The following NFATC4 variants were observed in gnomAD, a reference collection of about 807,000 sequenced individuals.
The protein encoded by NFATC4 is nuclear factor of activated T cells 4.
Under a neutral mutation model 73.4 loss-of-function variants are expected in NFATC4, and 25 were observed. The observed-to-expected ratio is 0.34, with a 90% CI of 0.25 to 0.48. NFATC4 has a LOEUF of 0.48. Ranked by LOEUF, NFATC4 falls within the 20% of genes least tolerant of loss-of-function variation. NFATC4 has a pLI of 0.99. For missense variants in NFATC4, 1,130 were observed against 1,203.7 expected, an observed-to-expected ratio of 0.94 and a Z score of 0.91; for synonymous variants, 523 against 510.3, an observed-to-expected ratio of 1.02 and a Z score of -0.34.
intron 2 of NFATC4, among the ~76,000 whole-genome samples, chr14:24,371,498 C>T (rs1160635538): frequency 2.0e-5 from 3 of 152,132 alleles, no homozygotes; most frequent in Non-Finnish European, 2.9e-5. Flanking sequence ...ACTTGGGGGG[C>T]AATTACCAGT....
intron 1 of NFATC4, among the ~76,000 whole-genome samples, chr14:24,368,780 C>T (rs1398587259): frequency 6.6e-6 from 1 of 151,998 alleles, no homozygotes; most frequent in African/African-American, 2.4e-5. Context: ...GGAGCTGGCC[C>T]CTGGCGGACC....
At chr14:24,367,473 C>A, upstream of NFATC4, 1 of 1,535,672 alleles carries the variant, frequency 6.5e-7, no homozygotes, top group Non-Finnish European at 8.7e-7. Flanking sequence ...CCTGGATCTA[C>A]GCCCATCAAG....
intron 1 of NFATC4, 106 bp downstream of exon 1, chr14:24,368,546 T>C: frequency 2.4e-5 from 19 of 799,806 alleles, no homozygotes; most frequent in Non-Finnish European, 2.8e-5. Flanking sequence ...GGTGAGGGAG[T>C]CAGAGGTCGA....
chr14:24,367,435 C>T, upstream of NFATC4: 1 of 1,535,708 alleles, frequency 6.5e-7, no homozygotes, highest in African/African-American at 1.4e-5. Flanking sequence ...CTCTGGGTGG[C>T]TGGGACAAGG....
chr14:24,367,225 T>G, upstream of NFATC4: 1 of 1,598,036 alleles, frequency 6.3e-7, no homozygotes, highest in Non-Finnish European at 8.5e-7. Context: ...GTGACAGGTG[T>G]CCAGCCTGTT....
chr14:24,373,358 A>T lies in NFATC4; in HGVS notation c.1547A>T (p.Asn516Ile). ...GAGATGACTCTGCTGCCTGAGAACA[A>T]CATGGCGGCCAAGTAAGTCCCATGC... is the stretch of plus-strand genomic sequence containing the variant. ...VLEMTLLPEN[N>I]MAANIDCAGI... is the part of the protein sequence containing the mutation. The change falls in exon 4 of 10, where the codon AAC becomes ATC. Residue 516 changes from asparagine (N) to isoleucine (I), a missense_variant. Transcript: ENST00000250373. The surrounding 1 kb of genome is among the most constrained non-coding windows in gnomAD (Gnocchi z 4.7). 6.2e-7 allele frequency: 1 copy of T among 1,613,924 alleles called. No homozygotes were observed. The highest frequency in any genetic ancestry group is 2.2e-5 in the East Asian group (1 of 44,876).
chr14:24,372,865 G>A (rs1271754411), intron 3 of NFATC4: 1 of 604,966 alleles, frequency 1.7e-6, no homozygotes, highest in Admixed American at 3.0e-5. Context: ...GCCAGATATG[G>A]GGGAGGGTTT....
In NFATC4 at chr14:24,374,423, C is replaced by A. The variant is rs1483072740; in HGVS notation, c.1830C>A (p.Asn610Lys). Reference sequence around the variant, plus strand: ...AGGAACTGGTACTGACTGGCTCCAACTTCCTGCCAGACTCCAAGGTGGTGT... The same window carrying A: ...AGGAACTGGTACTGACTGGCTCCAAATTCCTGCCAGACTCCAAGGTGGTGT... ...GGEELVLTGS[N>K]FLPDSKVVFI... The change falls in exon 6 of 10, where the codon AAC becomes AAA. Residue 610 changes from asparagine (N) to lysine (K), a missense_variant. Around this residue, in one of 3 missense-constraint regions of NFATC4, gnomAD observed 390 missense variants for 408.1 expected, o/e 0.96. Coordinates refer to ENST00000250373, the MANE Select transcript of NFATC4 (RefSeq NM_004554.5). The A allele has an allele frequency of 6.2e-7, 1 of 1,614,068 alleles. No individual in the cohort carries two copies. The highest frequency in any genetic ancestry group is 1.7e-4 in the Middle Eastern group (1 of 6,060).
In NFATC4 at chr14:24,368,244, A is replaced by C; in HGVS notation, c.-97A>C. 1 of 1,330,152 alleles carries C rather than the reference A, an allele frequency of 7.5e-7. No homozygotes were observed. The allele number at this position is 1,330,152 out of a possible 1,614,324, so 82.4% of individuals were successfully genotyped here. On this transcript the variant is annotated 5_prime_UTR_variant, in exon 1 of 10. Transcript: ENST00000250373. ...AGCGACGGAGGAGGGGGCTTCTCAG[A>C]GAAAGGGAGGGAGGGAGCCACCCGG...
intron 1 of NFATC4, 156 bp from the exon 2 acceptor site, chr14:24,369,343 G>A (rs1373217042): frequency 5.0e-6 from 8 of 1,598,076 alleles, no homozygotes; most frequent in Non-Finnish European, 6.8e-6. Context: ...CATCTTCCCA[G>A]GTCCAACTCT....
At position 24,377,366 on chromosome 14, in the gene NFATC4, A is replaced by T; in HGVS notation, c.2642-272A>T. On this transcript the variant is annotated intron_variant, in intron 9 of 9. Transcript: ENST00000250373. This position sits in a 1 kb window ranked among gnomAD's most constrained non-coding sequence, Gnocchi z 4.2. ...GCTACACCCATCTCTGGCCCTGCTG[A>T]TACCGATTCCCCTGACATTTCAGGC... is the stretch of plus-strand genomic sequence containing the variant. 7.4e-7 allele frequency: 1 copy of T among 1,349,976 alleles called. No homozygotes were observed. Among genetic ancestry groups the T allele is most frequent in the Non-Finnish European group, 9.5e-7 (1 of 1,051,296 alleles). The allele number at this position is 1,349,976 out of a possible 1,614,324, so 83.6% of individuals were successfully genotyped here.
intron 6 of NFATC4, 105 bp from the exon 7 acceptor site, chr14:24,375,555 T>G (rs2042589733): frequency 4.1e-6 from 5 of 1,206,424 alleles, no homozygotes; most frequent in Non-Finnish European, 6.0e-6. Flanking sequence ...TTCTAGGGCC[T>G]TCTGAATTTG....
intron 6 of NFATC4, 53 bp downstream of exon 6, chr14:24,374,519 G>C: frequency 1.3e-6 from 2 of 1,546,496 alleles, no homozygotes; most frequent in Non-Finnish European, 1.8e-6. Context: ...GGGAGTGGCA[G>C]GTGAAACATC....
rs774447885 is a variant in NFATC4 at position 24,376,077 on chromosome 14, A to G, written c.2032A>G (p.Thr678Ala). The G allele has an allele frequency of 1.2e-5, 19 of 1,613,856 alleles. No homozygotes were observed. Among genetic ancestry groups the G allele is most frequent in the Non-Finnish European group, 1.5e-5 (18 of 1,179,948 alleles). The part of the protein sequence containing the change: ...VSNGRRKRSP[T>A]QSFRFLPVIC... ...CAATGGGCGGAGGAAACGCAGTCCT[A>G]CCCAGAGTTTCAGGTTTCTGCCTGG... Residue 678 changes from threonine to alanine, a missense_variant, in exon 8 of 10, where the codon ACC becomes GCC. By Grantham distance (58) the Thr-to-Ala change is moderately conservative. Around this residue, in one of 3 missense-constraint regions of NFATC4, gnomAD observed 390 missense variants for 408.1 expected, o/e 0.96. Transcript: ENST00000250373. The surrounding 1 kb of genome is among the most constrained non-coding windows in gnomAD (Gnocchi z 5.0).
Position 24,369,989 on chromosome 14 carries a change from G to A in NFATC4, c.591G>A (p.Glu197=). 3.7e-6 allele frequency: 6 copies of A among 1,612,892 alleles called. No homozygotes were observed. The highest frequency in any genetic ancestry group is 5.1e-6 in the Non-Finnish European group (6 of 1,179,990). The change falls in exon 2 of 10, where the codon GAG becomes GAA. Residue 197 remains glutamate (E), a synonymous_variant. Coordinates refer to ENST00000250373, the MANE Select transcript of NFATC4 (RefSeq NM_004554.5). ...DEAALYAACD[E]VESELNEAAS... Reference sequence around the variant, plus strand: ...CAGCCCTGTATGCAGCCTGCGACGAGGTGGAGTCTGAGCTAAATGAGGCGG... The same window carrying A: ...CAGCCCTGTATGCAGCCTGCGACGAAGTGGAGTCTGAGCTAAATGAGGCGG...
At position 24,368,406 on chromosome 14, in the gene NFATC4, G is replaced by T; in HGVS notation, c.66G>T (p.Glu22Asp). The stretch of plus-strand genomic sequence containing the variant: ...AGCTGGTGTTCGGGGAGGAAAAGGA[G>T]GCCCCCCCGCTGGGCGCGGGGGGAT... ...EFKLVFGEEK[E>D]APPLGAGGLG... Residue 22 changes from glutamate to aspartate, a missense_variant, in exon 1 of 10, where the codon GAG (glutamate) becomes GAT (aspartate). Physicochemically the swap from Glu to Asp is conservative, Grantham distance 45 (BLOSUM62 2). This residue lies in a region of NFATC4 where 585 missense variants were observed against 574.3 expected (regional missense o/e 1.02). Transcript: ENST00000250373. 7.4e-7 allele frequency: 1 copy of T among 1,351,826 alleles called. No homozygotes were observed. The highest frequency in any genetic ancestry group is 1.5e-5 in the African/African-American group (1 of 65,722). The allele number at this position is 1,351,826 out of a possible 1,614,324, so 83.7% of individuals were successfully genotyped here.
At chr14:24,368,060 G>A (rs1198437114), upstream of NFATC4, 83 of 1,135,840 alleles carry the variant, frequency 7.3e-5, no homozygotes, top group Non-Finnish European at 8.7e-5. Context: ...GAGGACGAGG[G>A]GCGCGTGGTT....
intron 3 of NFATC4, chr14:24,372,825 C>A: frequency 1.6e-6 from 1 of 628,310 alleles, no homozygotes; most frequent in South Asian, 2.0e-5. Context: ...GGGACACCAG[C>A]CTCATGTCTA....
intron 2 of NFATC4, among the ~76,000 whole-genome samples, chr14:24,371,511 A>G (rs1414237938): frequency 6.6e-6 from 1 of 152,182 alleles, no homozygotes; most frequent in Non-Finnish European, 1.5e-5. Context: ...TTACCAGTTG[A>G]GATCCACTGT....
Sources: allele counts gnomAD v4.1 joint callset (sites outside exome capture counted in the v4.1 genomes callset), GRCh38; gene constraint gnomAD v4.1.1; regional missense constraint gnomAD v4.1.1; non-coding constraint Gnocchi (gnomAD v3.1); transcripts MANE v1.5; gene names NCBI Gene and HGNC (gene_info 2026-07-23, HGNC 2026-07-21).